Variants in SLC24A2 observed in about 807,000 individuals in gnomAD.
SLC24A2 encodes the protein sodium/potassium/calcium exchanger 2.
SLC24A2 carries 36 observed loss-of-function variants against 62.0 expected under a neutral mutation model. That is an observed-to-expected ratio of 0.58 (90% CI 0.44 to 0.77). SLC24A2 has a LOEUF of 0.77. Among genes scored for constraint, SLC24A2 ranks in the 30% least tolerant of loss-of-function variants. The probability of loss-of-function intolerance (pLI) is 0.00; values close to 1 mark genes in which losing one functional copy is unlikely to be tolerated. For synonymous variants in SLC24A2, 358 were observed against 294.0 expected, an observed-to-expected ratio of 1.22 and a Z score of -2.23; for missense variants, 846 against 817.9, an observed-to-expected ratio of 1.03 and a Z score of -0.42.
At chr9:20,288,358 T>C in the SLC24A2 span, among the ~76,000 whole-genome samples, 2 of 152,006 alleles carry the variant, frequency 1.3e-5, no homozygotes, top group African/African-American at 2.4e-5. Flanking sequence ...ACACTCCTCC[T>C]ACCAAGAAGT....
the SLC24A2 span, among the ~76,000 whole-genome samples, chr9:20,242,394 T>C: frequency 6.6e-6 from 1 of 152,232 alleles, no homozygotes; most frequent in African/African-American, 2.4e-5. Context: ...CATCCAAGGT[T>C]GAATGCTTCC....
intron 2 of SLC24A2, among the ~76,000 whole-genome samples, chr9:19,759,015 A>G (rs1346429473): frequency 6.6e-6 from 1 of 152,224 alleles, no homozygotes; most frequent in Non-Finnish European, 1.5e-5. Flanking sequence ...AGCAATCAGT[A>G]TGCAGCCTAT....
chr9:19,996,657 G>T, the SLC24A2 span, among the ~76,000 whole-genome samples: 3 of 150,324 alleles, frequency 2.0e-5, no homozygotes, highest in African/African-American at 7.4e-5. Context: ...GAGGAGAATC[G>T]CTTGAACCTG....
the SLC24A2 span, among the ~76,000 whole-genome samples, chr9:20,107,934 G>A: frequency 9.3e-4 from 142 of 152,108 alleles, 1 homozygote; most frequent in East Asian, 9.5e-3. Flanking sequence ...GAAAATTTTC[G>A]CAACCTACTC....
At chr9:19,863,651 T>G in the SLC24A2 span, among the ~76,000 whole-genome samples, 5 of 151,766 alleles carry the variant, frequency 3.3e-5, no homozygotes, top group Non-Finnish European at 1.5e-5. Flanking sequence ...AATTGAATTT[T>G]TTTTTAAACA....
At chr9:20,223,951 T>C in the SLC24A2 span, among the ~76,000 whole-genome samples, 1 of 149,164 alleles carries the variant, frequency 6.7e-6, no homozygotes, top group Non-Finnish European at 1.5e-5. Context: ...GGGAAGCAAG[T>C]ACCTTCTTCA....
the SLC24A2 span, among the ~76,000 whole-genome samples, chr9:19,827,868 C>T: frequency 1.3e-5 from 2 of 152,144 alleles, no homozygotes; most frequent in African/African-American, 2.4e-5. Flanking sequence ...TGGAATCACC[C>T]ATATATAAGA....
At chr9:20,134,692 T>C in the SLC24A2 span, among the ~76,000 whole-genome samples, 1 of 152,190 alleles carries the variant, frequency 6.6e-6, no homozygotes, top group Admixed American at 6.5e-5. Flanking sequence ...TAATAAAGGC[T>C]GGAACTATAT....
At chr9:20,214,090 T>G in the SLC24A2 span, among the ~76,000 whole-genome samples, 4 of 152,224 alleles carry the variant, frequency 2.6e-5, no homozygotes, top group African/African-American at 4.8e-5. Flanking sequence ...TACCACAATT[T>G]ATTAATTTAT....
chr9:19,540,176 CTT>C (rs1834180869), intron 8 of SLC24A2, among the ~76,000 whole-genome samples: 1 of 51,530 alleles, frequency 1.9e-5, no homozygotes, highest in South Asian at 8.2e-4. Context: ...CAGTCTGTGT[CTT>C]TTAATTGCAG....
At chr9:19,866,917 G>C in the SLC24A2 span, among the ~76,000 whole-genome samples, 1 of 152,026 alleles carries the variant, frequency 6.6e-6, no homozygotes, top group African/African-American at 2.4e-5. Context: ...GGCTGGGAAG[G>C]GTACTGGGGG....
At chr9:19,952,575 G>C in the SLC24A2 span, among the ~76,000 whole-genome samples, 1 of 151,320 alleles carries the variant, frequency 6.6e-6, no homozygotes, top group Non-Finnish European at 1.5e-5. Flanking sequence ...TATCTAACAA[G>C]ATAATCACAT....
At chr9:19,545,024 C>A (rs1291394055) in intron 8 of SLC24A2, among the ~76,000 whole-genome samples, 1 of 152,136 alleles carries the variant, frequency 6.6e-6, no homozygotes, top group African/African-American at 2.4e-5. Context: ...AAAGTGTTTT[C>A]CAACTTGGTT....
At chr9:19,770,409 G>T (rs1276136462) in intron 2 of SLC24A2, among the ~76,000 whole-genome samples, 1 of 151,838 alleles carries the variant, frequency 6.6e-6, no homozygotes, top group Non-Finnish European at 1.5e-5. Flanking sequence ...TTTTTTTCAG[G>T]ATAGTCACAT....
chr9:20,031,509 G>A, the SLC24A2 span, among the ~76,000 whole-genome samples: 1 of 151,772 alleles, frequency 6.6e-6, no homozygotes, highest in Admixed American at 6.6e-5. Context: ...AGCCACCAAT[G>A]AATGGATTAT....
chr9:19,647,814 T>A (rs757693586), intron 2 of SLC24A2, among the ~76,000 whole-genome samples: 1 of 152,204 alleles, frequency 6.6e-6, no homozygotes, highest in Non-Finnish European at 1.5e-5. Context: ...GAAAAAATAC[T>A]TGATTTCACA....
At chr9:20,238,059 G>T in the SLC24A2 span, among the ~76,000 whole-genome samples, 3 of 152,142 alleles carry the variant, frequency 2.0e-5, no homozygotes, top group Non-Finnish European at 4.4e-5. Flanking sequence ...AAGACGTAAG[G>T]ACCCTTGGGC....
chr9:20,254,663 C>T, the SLC24A2 span, among the ~76,000 whole-genome samples: 2 of 152,058 alleles, frequency 1.3e-5, no homozygotes, highest in African/African-American at 4.8e-5. Context: ...CACTTAGTGG[C>T]CCATGAAAAA....
chr9:19,934,829 G>A, the SLC24A2 span, among the ~76,000 whole-genome samples: 30 of 152,180 alleles, frequency 2.0e-4, no homozygotes, highest in South Asian at 2.7e-3. This position sits in a 1 kb window ranked among gnomAD's most constrained non-coding sequence, Gnocchi z 4.1. Flanking sequence ...TGGCGAGTCC[G>A]TTTCTGTCTT....
Sources: allele counts gnomAD v4.1 joint callset (sites outside exome capture counted in the v4.1 genomes callset), GRCh38; gene constraint gnomAD v4.1.1; non-coding constraint Gnocchi (gnomAD v3.1); transcripts MANE v1.5; gene names NCBI Gene and HGNC (gene_info 2026-07-23, HGNC 2026-07-21).